The following SULF2 variants were observed in gnomAD, a reference collection of about 807,000 sequenced individuals.
The protein encoded by SULF2 is sulfatase 2.
In SULF2, 52 loss-of-function variants were observed where a neutral mutation model predicts 107.7. The ratio of observed to expected loss-of-function variants is 0.48; its 90% CI spans 0.39 to 0.61. The LOEUF (loss-of-function observed/expected upper bound fraction) is 0.61, where lower values mean the gene tolerates loss of function less well. Among genes scored for constraint, SULF2 ranks in the 20% least tolerant of loss-of-function variants. SULF2 has a pLI of 0.00. For synonymous variants in SULF2, 460 were observed against 464.3 expected (o/e 0.99, Z 0.12); for missense variants, 993 against 1,177.3 (o/e 0.84, Z 2.29).
At chr20:47,754,024 C>A (rs148458932) in intron 2 of SULF2, among the ~76,000 whole-genome samples, 1 of 152,306 alleles carries the variant, frequency 6.6e-6, no homozygotes, top group East Asian at 1.9e-4. Context: ...ACTAGTATGG[C>A]CCTGGAAGCA....
At chr20:47,683,934 C>T (rs551481819) in intron 6 of SULF2, among the ~76,000 whole-genome samples, 1 of 152,260 alleles carries the variant, frequency 6.6e-6, no homozygotes, top group East Asian at 1.9e-4. Context: ...AGGAAGTGTG[C>T]AGAACACCAA....
intron 1 of SULF2, among the ~76,000 whole-genome samples, chr20:47,768,723 C>T (rs559112737): frequency 2.0e-5 from 3 of 152,366 alleles, no homozygotes; most frequent in African/African-American, 7.2e-5. Flanking sequence ...GACTCGGCCA[C>T]CCTGGCTGTG....
At chr20:47,703,607 G>A (rs1347562037) in intron 3 of SULF2, among the ~76,000 whole-genome samples, 1 of 152,184 alleles carries the variant, frequency 6.6e-6, no homozygotes, top group Non-Finnish European at 1.5e-5. Flanking sequence ...CTTTGGCTGT[G>A]TCTGCTAAAT....
intron 1 of SULF2, among the ~76,000 whole-genome samples, chr20:47,776,238 T>C (rs1425394043): frequency 6.6e-6 from 1 of 152,224 alleles, no homozygotes; most frequent in Non-Finnish European, 1.5e-5. Flanking sequence ...ATGTGAAATC[T>C]CGTAGTTGTT....
chr20:47,780,657 G>A (rs899536548), intron 1 of SULF2, among the ~76,000 whole-genome samples: 12 of 152,148 alleles, frequency 7.9e-5, no homozygotes, highest in Non-Finnish European at 1.0e-4. Flanking sequence ...GGGTTCAAGC[G>A]ATTCTGGTGC....
chr20:47,756,123 G>T (rs7260766), intron 2 of SULF2, among the ~76,000 whole-genome samples: 1 of 152,152 alleles, frequency 6.6e-6, no homozygotes, highest in East Asian at 1.9e-4. Flanking sequence ...CCGAAACAGC[G>T]TCGGGGCTAC....
At chr20:47,728,893 G>A (rs745921409) in intron 3 of SULF2, among the ~76,000 whole-genome samples, 1 of 152,178 alleles carries the variant, frequency 6.6e-6, no homozygotes, top group Non-Finnish European at 1.5e-5. Context: ...TGATCCACCC[G>A]CCTCAGCCTC....
intron 3 of SULF2, among the ~76,000 whole-genome samples, chr20:47,704,212 G>GC (rs1164136947): frequency 2.0e-5 from 3 of 152,142 alleles, no homozygotes; most frequent in Non-Finnish European, 4.4e-5. Context: ...GTGCCTAAAA[G>GC]CTCTGTGATA....
chr20:47,754,424 G>A (rs904810658), intron 2 of SULF2, among the ~76,000 whole-genome samples: 1 of 152,160 alleles, frequency 6.6e-6, no homozygotes, highest in South Asian at 2.1e-4. Context: ...TTATTGATCT[G>A]GGTCTGTCTA....
chr20:47,734,513 C>T lies in SULF2; in HGVS notation c.415+2190G>A, dbSNP rs538841352. ...TATCACGCAGTTGGATCTTTAAAAA[C>T]ATTTCCACTTTAAACAACAACTCAA... On this transcript the variant is annotated intron_variant, in intron 3 of 20. Coordinates refer to ENST00000688720, the MANE Select transcript of SULF2 (RefSeq NM_001387048.1). Among the ~76,000 whole-genome samples, 3 of 152,200 alleles carry T rather than the reference C, an allele frequency of 2.0e-5. No individual in the cohort carries two copies. In the South Asian group the frequency reaches 6.2e-4, roughly 31 times the overall value.
intron 18 of SULF2, among the ~76,000 whole-genome samples, chr20:47,660,420 A>G (rs1477258762): frequency 5.3e-5 from 8 of 152,170 alleles, no homozygotes; most frequent in African/African-American, 1.2e-4. Context: ...CTTCATAACT[A>G]GAGCCGACGG....
rs185369082 is a variant in SULF2 at position 47,678,552 on chromosome 20, G to A, written c.1193+124C>T. 1.8e-5 allele frequency: 23 copies of A among 1,254,364 alleles called. No individual in the cohort carries two copies. The highest frequency in any genetic ancestry group is 4.8e-5 in the East Asian group (2 of 41,262). The allele number at this position is 1,254,364 out of a possible 1,614,324, so 77.7% of individuals were successfully genotyped here. A position where few individuals can be genotyped will look rare whatever the true frequency, so the allele number is the denominator to read the frequency against. ...ACAGCAGGTAAGTGGTTGGCATGGC[G>A]GGACCTGAGAACCCCAGCTCCCGAC... On this transcript the variant is annotated intron_variant, in intron 8 of 20. Transcript: ENST00000688720. The surrounding 1 kb of genome is among the most constrained non-coding windows in gnomAD (Gnocchi z 4.5).
intron 1 of SULF2, among the ~76,000 whole-genome samples, chr20:47,772,811 T>C (rs6094834): frequency 0.18 from 28,133 of 152,174 alleles, 4,276 homozygotes; most frequent in African/African-American, 0.42. Context: ...ATCCAGTCAA[T>C]GGGACCTGGT....
At chr20:47,751,469 T>C (rs1407320081) in intron 2 of SULF2, among the ~76,000 whole-genome samples, 1 of 152,222 alleles carries the variant, frequency 6.6e-6, no homozygotes. Flanking sequence ...TCAATTTGGG[T>C]ACTCTCTTCT....
intron 2 of SULF2, among the ~76,000 whole-genome samples, chr20:47,745,936 G>A (rs1396636463): frequency 6.6e-6 from 1 of 152,218 alleles, no homozygotes; most frequent in Admixed American, 6.5e-5. Context: ...TGCCCAAAAG[G>A]AAAGGATTTT....
chr20:47,735,844 G>C (rs907253552), intron 3 of SULF2, among the ~76,000 whole-genome samples: 3 of 152,108 alleles, frequency 2.0e-5, no homozygotes, highest in African/African-American at 4.8e-5. Flanking sequence ...CCAGCACTGC[G>C]GACAGGGCTG....
intron 11 of SULF2, among the ~76,000 whole-genome samples, chr20:47,671,351 G>C (rs2087464242): frequency 6.6e-6 from 1 of 152,176 alleles, no homozygotes; most frequent in Non-Finnish European, 1.5e-5. Flanking sequence ...CTGTCGCCCA[G>C]GCTGGAGCAC....
At chr20:47,698,128 A>T (rs1044301795) in intron 4 of SULF2, among the ~76,000 whole-genome samples, 3 of 152,226 alleles carry the variant, frequency 2.0e-5, no homozygotes, top group African/African-American at 7.2e-5. Flanking sequence ...GCCCAGGATG[A>T]CCTGTCGGAG....
chr20:47,674,661 C>T lies in SULF2; in HGVS notation c.1380+1833G>A, dbSNP rs1048626275. ...TGCACATGAGCTCGGTTCCTGGGCA[C>T]GTTTGTTCAGCAAATGACAAAAAAA... On this transcript the variant is annotated intron_variant, in intron 10 of 20. Coordinates refer to ENST00000688720, the MANE Select transcript of SULF2 (RefSeq NM_001387048.1). Among the ~76,000 whole-genome samples, 15 of 152,274 alleles carry T rather than the reference C, an allele frequency of 9.9e-5. No individual in the cohort carries two copies. The East Asian group carries it at 1.7e-3, about 18-fold the overall frequency.
Sources: gnomAD v4.1 joint callset for allele counts (sites outside exome capture counted in the v4.1 genomes callset) on GRCh38, gnomAD v4.1.1 for gene constraint, Gnocchi (gnomAD v3.1) non-coding constraint, MANE v1.5 for transcripts, NCBI Gene and HGNC (gene_info 2026-07-23, HGNC 2026-07-21) for gene names.